CAMK1D: variants seen among roughly 807,000 people sequenced by gnomAD.
The protein encoded by CAMK1D is calcium/calmodulin-dependent protein kinase type 1D.
CAMK1D carries 9 observed loss-of-function variants against 47.7 expected under a neutral mutation model. The observed-to-expected ratio is 0.19, with a 90% CI of 0.11 to 0.33. The LOEUF (loss-of-function observed/expected upper bound fraction) is 0.33. CAMK1D is among the 10% of genes least tolerant of loss of function. The probability of loss-of-function intolerance (pLI) is 1.00; values close to 1 mark genes in which losing one functional copy is unlikely to be tolerated. For missense variants in CAMK1D, 291 were observed against 488.7 expected (o/e 0.60, Z 3.81); for synonymous variants, 184 against 184.9 (o/e 0.99, Z 0.04).
intron 1 of CAMK1D, among the ~76,000 whole-genome samples, chr10:12,355,080 T>C (rs1274189869): frequency 6.6e-6 from 1 of 151,972 alleles, no homozygotes; most frequent in South Asian, 2.1e-4. Context: ...TGGCCTCAAG[T>C]GATCCTCCTA....
At chr10:12,391,976 AACACACACACACACACACACACAC>A (rs10659393) in intron 1 of CAMK1D, among the ~76,000 whole-genome samples, 1 of 143,146 alleles carries the variant, frequency 7.0e-6, no homozygotes, top group Non-Finnish European at 1.5e-5. Flanking sequence ...CTTGTCTTAA[AACACACACACACACACACACACAC>A]ACACACACAC....
intron 10 of CAMK1D, among the ~76,000 whole-genome samples, chr10:12,827,216 T>TTTCC (rs1833242334): frequency 6.6e-6 from 1 of 150,480 alleles, no homozygotes; most frequent in Admixed American, 6.6e-5. Flanking sequence ...CCCTCCTTCC[T>TTTCC]TTCCTTCCTT....
At chr10:12,808,106 C>A (rs1259277422) in intron 6 of CAMK1D, among the ~76,000 whole-genome samples, 1 of 152,218 alleles carries the variant, frequency 6.6e-6, no homozygotes, top group East Asian at 1.9e-4. Flanking sequence ...GGCAGCCACT[C>A]CTGCCGGCAG....
chr10:12,741,126 C>T (rs1400318931), intron 3 of CAMK1D, among the ~76,000 whole-genome samples: 1 of 152,182 alleles, frequency 6.6e-6, no homozygotes, highest in African/African-American at 2.4e-5. Context: ...CCTCCTGCCT[C>T]CAGGCTTTCT....
chr10:12,699,422 A>G (rs527392955), intron 3 of CAMK1D, among the ~76,000 whole-genome samples: 1 of 152,224 alleles, frequency 6.6e-6, no homozygotes, highest in Non-Finnish European at 1.5e-5. Flanking sequence ...TTCTTCAAGG[A>G]AATGCTTCAG....
chr10:12,726,575 G>A (rs1834648905), intron 3 of CAMK1D, among the ~76,000 whole-genome samples: 1 of 152,174 alleles, frequency 6.6e-6, no homozygotes, highest in Admixed American at 6.5e-5. Context: ...CAGAAGCCAC[G>A]ACCAGGACAT....
At chr10:12,352,335 C>T (rs373736473) in intron 1 of CAMK1D, among the ~76,000 whole-genome samples, 4 of 152,120 alleles carry the variant, frequency 2.6e-5, no homozygotes, top group South Asian at 2.1e-4. Flanking sequence ...ATGGGCTGGG[C>T]GTGGTGGCTC....
chr10:12,727,229 CTT>C (rs1834686149), intron 3 of CAMK1D, among the ~76,000 whole-genome samples: 1 of 152,306 alleles, frequency 6.6e-6, no homozygotes, highest in East Asian at 1.9e-4. Flanking sequence ...CTTCTGAAGA[CTT>C]TTTAAAACAA....
chr10:12,444,635 G>A (rs1832878161), intron 1 of CAMK1D, among the ~76,000 whole-genome samples: 1 of 152,110 alleles, frequency 6.6e-6, no homozygotes, highest in African/African-American at 2.4e-5. Context: ...TTTGAAGCAG[G>A]GATTTCCAAA....
chr10:12,373,651 C>CA (rs941553480), intron 1 of CAMK1D, among the ~76,000 whole-genome samples: 3 of 151,544 alleles, frequency 2.0e-5, no homozygotes, highest in African/African-American at 7.3e-5. Context: ...AACAAACAAA[C>CA]AAAAAAACAC....
At chr10:12,671,644 C>T (rs900725118) in intron 3 of CAMK1D, among the ~76,000 whole-genome samples, 1 of 151,404 alleles carries the variant, frequency 6.6e-6, no homozygotes, top group African/African-American at 2.4e-5. Context: ...TACACGTATA[C>T]ACACACACAT....
intron 1 of CAMK1D, among the ~76,000 whole-genome samples, chr10:12,504,108 G>GGGGTGTGT (rs149803598): frequency 1.0e-4 from 15 of 147,754 alleles, no homozygotes; most frequent in African/African-American, 2.0e-4. Context: ...CAATAAGATG[G>GGGGTGTGT]GTGTGTGTGT....
intron 3 of CAMK1D, among the ~76,000 whole-genome samples, chr10:12,685,580 A>G (rs1488790658): frequency 6.6e-6 from 1 of 152,166 alleles, no homozygotes; most frequent in Non-Finnish European, 1.5e-5. Context: ...AGCCCTTTAT[A>G]AAGAGCCTGG....
intron 3 of CAMK1D, among the ~76,000 whole-genome samples, chr10:12,753,623 C>CCCACACG (rs1836090048): frequency 6.6e-6 from 1 of 152,200 alleles, no homozygotes; most frequent in Non-Finnish European, 1.5e-5. Context: ...AATGCTTTTC[C>CCCACACG]CCTGACCACA....
At chr10:12,659,237 A>T (rs777174259) in intron 2 of CAMK1D, among the ~76,000 whole-genome samples, 1 of 152,244 alleles carries the variant, frequency 6.6e-6, no homozygotes, top group Non-Finnish European at 1.5e-5. Flanking sequence ...AGTTGTTTGA[A>T]CTTTCTCCTG....
At chr10:12,796,319 ACT>A (rs1167564113) in intron 6 of CAMK1D, among the ~76,000 whole-genome samples, 2 of 151,016 alleles carry the variant, frequency 1.3e-5, no homozygotes, top group Non-Finnish European at 3.0e-5. Flanking sequence ...CCTAGAAGAA[ACT>A]CTAGGCAAAA....
chr10:12,408,707 C>T (rs1240568919), intron 1 of CAMK1D, among the ~76,000 whole-genome samples: 8 of 152,118 alleles, frequency 5.3e-5, no homozygotes, highest in East Asian at 3.9e-4. Context: ...GTGCAAGGCC[C>T]GCTTTCTCCT....
At chr10:12,788,206 TAGAGATG>T (rs1310233117) in intron 5 of CAMK1D, among the ~76,000 whole-genome samples, 1 of 77,970 alleles carries the variant, frequency 1.3e-5, no homozygotes, top group Non-Finnish European at 2.9e-5. Context: ...GTATTTATTT[TAGAGATG>T]GGGCCTCACT....
chr10:12,821,244 C>G (rs1464882378), intron 8 of CAMK1D, among the ~76,000 whole-genome samples: 1 of 152,228 alleles, frequency 6.6e-6, no homozygotes, highest in Non-Finnish European at 1.5e-5. Context: ...CGGTTTGACT[C>G]AAAGTCTACT....
Sources: gnomAD v4.1 joint callset for allele counts (sites outside exome capture counted in the v4.1 genomes callset) on GRCh38, gnomAD v4.1.1 for gene constraint, MANE v1.5 for transcripts, NCBI Gene and HGNC (gene_info 2026-07-23, HGNC 2026-07-21) for gene names.